The following DIAPH2 variants were observed in gnomAD, a reference collection of about 807,000 sequenced individuals.
DIAPH2 encodes protein diaphanous homolog 2.
A neutral mutation model predicts 92.7 loss-of-function variants in DIAPH2; 35 were observed. The observed-to-expected ratio is 0.38, with a 90% confidence interval of 0.29 to 0.50. The LOEUF is 0.50. Among genes scored for constraint, DIAPH2 ranks in the 20% least tolerant of loss-of-function variants. The pLI is 0.94. For missense variants in DIAPH2, 701 were observed against 819.5 expected (o/e 0.86, Z 1.77); for synonymous variants, 301 against 280.4 (o/e 1.07, Z -0.73).
intron 23 of DIAPH2, among the ~76,000 whole-genome samples, chrX:97,282,983 A>G (rs1013430892): frequency 2.7e-4 from 30 of 111,418 alleles, no homozygotes; most frequent in African/African-American, 8.8e-4. Context: ...ATGTCATAAC[A>G]TAATTGGATG....
chrX:97,584,794 A>T (rs2071468446), intron 26 of DIAPH2, among the ~76,000 whole-genome samples: 1 of 112,813 alleles, frequency 8.9e-6, no homozygotes, highest in Non-Finnish European at 1.9e-5. Context: ...GGAATCAGGA[A>T]GCAAAAAAGT....
chrX:97,441,690 C>A (rs1369081372), intron 26 of DIAPH2, among the ~76,000 whole-genome samples: 3 of 111,438 alleles, frequency 2.7e-5, no homozygotes, highest in Non-Finnish European at 5.7e-5. Context: ...GTGGCACATG[C>A]CTGTAATCCC....
chrX:97,525,859 G>A (rs2071020977), intron 26 of DIAPH2, among the ~76,000 whole-genome samples: 1 of 111,846 alleles, frequency 8.9e-6, no homozygotes, highest in Non-Finnish European at 1.9e-5. Flanking sequence ...GAGCATCTGG[G>A]GCTAGATAAA....
chrX:97,155,225 C>T lies in DIAPH2; in HGVS notation c.2719+13431C>T, dbSNP rs183003609. Among the ~76,000 whole-genome samples, 3 of 111,713 alleles carry T rather than the reference C, an allele frequency of 2.7e-5. No homozygotes were observed. The Admixed American group carries it at 2.8e-4, about 11-fold the overall frequency. ...TTGGAGATTAACATGTGAAATAGGC[C>T]GGGCTTGGTGGCTCACGCCTGTAAT... is the stretch of plus-strand genomic sequence containing the variant. On this transcript the variant is annotated intron_variant, in intron 22 of 26. Transcript: ENST00000324765.
At chrX:97,438,315 T>C (rs1391434380) in intron 26 of DIAPH2, among the ~76,000 whole-genome samples, 1 of 103,213 alleles carries the variant, frequency 9.7e-6, no homozygotes, top group Non-Finnish European at 2.0e-5. Flanking sequence ...AATGTAATTT[T>C]GAGGGCCAAG....
chrX:97,333,435 A>T (rs761517857), intron 23 of DIAPH2, among the ~76,000 whole-genome samples: 1 of 111,855 alleles, frequency 8.9e-6, no homozygotes, highest in East Asian at 2.8e-4. Flanking sequence ...CTGATAAAAC[A>T]CAAGCTCACA....
At chrX:97,275,955 G>A (rs1439183497) in intron 23 of DIAPH2, among the ~76,000 whole-genome samples, 2 of 112,550 alleles carry the variant, frequency 1.8e-5, no homozygotes, top group East Asian at 2.8e-4. Flanking sequence ...GTAGCTAGCC[G>A]AGATCACGCC....
chrX:96,881,834 T>G lies in DIAPH2; in HGVS notation c.587+116T>G, dbSNP rs1017710436. 2.2e-5 allele frequency: 18 copies of G among 802,484 alleles called. No individual in the cohort carries two copies. In the African/African-American group the frequency reaches 3.8e-4, roughly 17 times the overall value. The allele number at this position is 802,484 out of a possible 1,213,427, so 66.1% of individuals were successfully genotyped here. A position where few individuals can be genotyped will look rare whatever the true frequency, so the allele number is the denominator to read the frequency against. ...CAAGATTTCCTGACTAAAAATCTGATGTTAATAAAACAGCAGCATCTGATT... is the reference window on the plus strand; with the variant it reads ...CAAGATTTCCTGACTAAAAATCTGAGGTTAATAAAACAGCAGCATCTGATT... On this transcript the variant is annotated intron_variant, in intron 5 of 26. Coordinates refer to ENST00000324765, the MANE Select transcript of DIAPH2 (RefSeq NM_006729.5).
chrX:97,357,309 T>G (rs1243835254), intron 24 of DIAPH2, among the ~76,000 whole-genome samples: 1 of 111,742 alleles, frequency 8.9e-6, no homozygotes, highest in African/African-American at 3.3e-5. Context: ...CTGGCTGAAT[T>G]TTTCTTCATT....
intron 17 of DIAPH2, among the ~76,000 whole-genome samples, chrX:97,030,842 T>C (rs2066368710): frequency 8.9e-6 from 1 of 111,951 alleles, no homozygotes; most frequent in Non-Finnish European, 1.9e-5. Flanking sequence ...TAGTGTAAAT[T>C]GTACCATGTT....
chrX:97,301,099 C>G (rs1182513405), intron 23 of DIAPH2, among the ~76,000 whole-genome samples: 2 of 99,394 alleles, frequency 2.0e-5, no homozygotes, highest in Non-Finnish European at 4.0e-5. Flanking sequence ...GTCAGGAGAT[C>G]GACATCGCGC....
intron 26 of DIAPH2, among the ~76,000 whole-genome samples, chrX:97,570,090 A>C (rs1219090930): frequency 3.5e-5 from 1 of 28,553 alleles, no homozygotes; most frequent in Non-Finnish European, 6.6e-5. Flanking sequence ...ATATATATAT[A>C]TATATATATA....
intron 5 of DIAPH2, among the ~76,000 whole-genome samples, chrX:96,882,457 T>G (rs1007557069): frequency 1.8e-5 from 2 of 111,304 alleles, no homozygotes; most frequent in African/African-American, 6.5e-5. Flanking sequence ...AAAAAGTGAA[T>G]TATTTTAACC....
chrX:96,976,337 A>T lies in DIAPH2; in HGVS notation c.2050+11130A>T, dbSNP rs181437976. On this transcript the variant is annotated intron_variant, in intron 17 of 26. Transcript: ENST00000324765. Reference sequence around the variant, plus strand: ...GGATTTCACCATGTTGCCCAGGGTGATCTCAAACTTCTGGGCTCAAGCAAT... The same window carrying T: ...GGATTTCACCATGTTGCCCAGGGTGTTCTCAAACTTCTGGGCTCAAGCAAT... 4.8e-3 allele frequency among the ~76,000 whole-genome samples: 528 copies of T among 109,974 alleles called. 5 individuals carry two copies. Among genetic ancestry groups the T allele is most frequent in the African/African-American group, 0.017 (517 of 30,298 alleles).
intron 19 of DIAPH2, among the ~76,000 whole-genome samples, chrX:97,077,669 T>G (rs2066714344): frequency 8.9e-6 from 1 of 112,121 alleles, no homozygotes; most frequent in East Asian, 2.8e-4. Flanking sequence ...GCAGGATAAT[T>G]GTCTTACTTA....
intron 22 of DIAPH2, among the ~76,000 whole-genome samples, chrX:97,187,281 C>CTTGTTTTTTTTTTTTT (rs2067613352): frequency 2.7e-5 from 1 of 36,889 alleles, no homozygotes; most frequent in Non-Finnish European, 4.4e-5. Context: ...ATTAAGTAGC[C>CTTGTTTTTTTTTTTTT]TTTTTTTTTT....
Position 97,599,318 on chromosome X carries a change from T to C in DIAPH2, c.*1T>C, listed in dbSNP as rs181002103. ...CAATGGAGCTATCTCATCTAAGTGA[T>C]TCCTGATGCCAAAGAATATGAAAAT... is the stretch of plus-strand genomic sequence containing the variant. On this transcript the variant is annotated 3_prime_UTR_variant, in exon 27 of 27. Transcript: ENST00000324765. 13 of 1,163,165 alleles carry C rather than the reference T, an allele frequency of 1.1e-5. No individual in the cohort carries two copies. In the Admixed American group the frequency reaches 2.7e-4, roughly 24 times the overall value.
At chrX:97,419,588 G>A (rs1265157319) in intron 25 of DIAPH2, among the ~76,000 whole-genome samples, 2 of 111,504 alleles carry the variant, frequency 1.8e-5, no homozygotes, top group East Asian at 2.8e-4. Flanking sequence ...AAGGCGTCTC[G>A]GGGTCCTAAA....
chrX:97,570,098 A>T (rs1170740328), intron 26 of DIAPH2, among the ~76,000 whole-genome samples: 26 of 30,860 alleles, frequency 8.4e-4, no homozygotes, highest in Non-Finnish European at 1.5e-3. Context: ...ATATATATAT[A>T]TATATATATA....
Sources: allele counts gnomAD v4.1 joint callset (sites outside exome capture counted in the v4.1 genomes callset), GRCh38; gene constraint gnomAD v4.1.1; transcripts MANE v1.5; gene names NCBI Gene and HGNC (gene_info 2026-07-23, HGNC 2026-07-21).